TUBD1: variants seen among roughly 807,000 people sequenced by gnomAD.
TUBD1 encodes the protein tubulin delta 1, also known as tubulin delta chain.
In TUBD1, 38 loss-of-function variants were observed where a neutral mutation model predicts 51.2. The ratio of observed to expected loss-of-function variants is 0.74; its 90% confidence interval spans 0.57 to 0.97. The LOEUF is 0.97. TUBD1 is among the 50% of genes least tolerant of loss of function. The probability of loss-of-function intolerance (pLI) is 0.00; values close to 1 mark genes in which losing one functional copy is unlikely to be tolerated. For missense variants in TUBD1, 489 were observed against 538.4 expected, an observed-to-expected ratio of 0.91 and a Z score of 0.91; for synonymous variants, 169 against 178.2, an observed-to-expected ratio of 0.95 and a Z score of 0.41.
In TUBD1 at chr17:59,881,060, C is replaced by T. The variant is rs773282613; in HGVS notation, c.371G>A (p.Arg124Gln). 5.1e-5 allele frequency: 82 copies of T among 1,613,996 alleles called. 6 individuals are homozygous for T. The South Asian group carries it at 7.0e-4, about 14-fold the overall frequency. Residue 124 changes from arginine (R) to glutamine (Q), a missense_variant, in exon 4 of 9, where the codon CGG (arginine) becomes CAG (glutamine). Physicochemically the swap from Arg to Gln is conservative, Grantham distance 43 (BLOSUM62 1). Transcript: ENST00000325752. ...AGAGTCACATTTCTCCACTTCCTTC[C>T]GGATTATGTTCATTATAGATTCTTC... The part of the protein sequence containing the change: ...RHEESIMNII[R>Q]KEVEKCDSFS...
In TUBD1 at chr17:59,860,368, C is replaced by G; in HGVS notation, c.1316G>C (p.Ser439Thr). 6.2e-7 allele frequency: 1 copy of G among 1,612,052 alleles called. No individual in the cohort carries two copies. Among genetic ancestry groups the G allele is most frequent in the African/African-American group, 1.3e-5 (1 of 74,582 alleles). ...AACAACCTGCTCTAATGACGTGAAA[C>G]TGTCTAAAAAGTCCTCTTCTTCGAT... ...FGIEEEDFLD[S>T]FTSLEQVVAS... Residue 439 changes from serine (S) to threonine (T), a missense_variant, in exon 9 of 9, where the codon AGT (serine) becomes ACT (threonine). Ser to Thr is a moderately conservative substitution (Grantham distance 58). Coordinates refer to ENST00000325752, the MANE Select transcript of TUBD1 (RefSeq NM_016261.4).
At chr17:59,877,964 C>T (rs2040301681) in intron 5 of TUBD1, 139 bp downstream of exon 5, 4 of 670,776 alleles carry the variant, frequency 6.0e-6, no homozygotes, top group African/African-American at 5.4e-5. Flanking sequence ...GTTCAGAGAA[C>T]TAGCAGATGT....
At chr17:59,863,889 TTAGTAATTGTGAAAACAAACAAACAGA>T in intron 7 of TUBD1, 42 bp from the exon 8 acceptor site, 1 of 1,349,136 alleles carries the variant, frequency 7.4e-7, no homozygotes, top group Non-Finnish European at 9.7e-7. Context: ...ATAGCATAAA[TTAGTAATTGTGAAAACAAACAAACAGA>T]TATTTTCTTG....
chr17:59,878,904 T>C (rs1380122088), intron 4 of TUBD1: 2 of 152,686 alleles, frequency 1.3e-5, no homozygotes, highest in South Asian at 2.1e-4. Flanking sequence ...ACTTATCTCC[T>C]ATTTCATTTC....
chr17:59,871,960 A>AT (rs57529317), intron 6 of TUBD1, among the ~76,000 whole-genome samples: 28,250 of 140,088 alleles, frequency 0.2, 2,823 homozygotes, highest in East Asian at 0.4. Flanking sequence ...TATGCCCAGC[A>AT]TTTTTTTTTT....
At chr17:59,870,884 C>T (rs756191086) in intron 6 of TUBD1, among the ~76,000 whole-genome samples, 33 of 152,162 alleles carry the variant, frequency 2.2e-4, no homozygotes, top group Non-Finnish European at 2.5e-4. Flanking sequence ...GAGCGTTTAC[C>T]GTTCCAGGCT....
rs1432617886 is a variant in TUBD1 at position 59,863,389 on chromosome 17, T to A, written c.1259+275A>T. Among the ~76,000 whole-genome samples the A allele has an allele frequency of 2.0e-5, 3 of 152,094 alleles. No individual in the cohort carries two copies. In the South Asian group the frequency reaches 6.2e-4, roughly 32 times the overall value. ...ACTTTGGGAGGCTGAGGTGGGCAGA[T>A]CCCGAGGTCAGAAGTTCGAGACCAG... On this transcript the variant is annotated intron_variant, in intron 8 of 8. Transcript: ENST00000325752.
In TUBD1 at chr17:59,892,869, T is replaced by C. The variant is rs1171763758; in HGVS notation, c.-212A>G. ...CCTATTCAGAAAGATTAATTACGCA[T>C]GTTCAATTTCAATTTACGAACTTCA... On this transcript the variant is annotated 5_prime_UTR_variant, in exon 1 of 9. It removes an upstream start codon present in the reference 5' UTR. Transcript: ENST00000325752. The C allele has an allele frequency of 8.8e-6, 3 of 340,750 alleles. No individual in the cohort carries two copies. The highest frequency in any genetic ancestry group is 4.0e-5 in the Admixed American group (1 of 24,738). The allele number at this position is 340,750 out of a possible 1,614,324, so 21.1% of individuals were successfully genotyped here.
chr17:59,868,108 C>CAAAAAA (rs35401242), intron 6 of TUBD1, among the ~76,000 whole-genome samples: 1 of 26,812 alleles, frequency 3.7e-5, no homozygotes, highest in African/African-American at 1.5e-4. Flanking sequence ...ACTAAAAATA[C>CAAAAAA]AAAAAAAAAA....
At chr17:59,891,660 A>C (rs1370286338) in intron 1 of TUBD1, among the ~76,000 whole-genome samples, 1 of 152,018 alleles carries the variant, frequency 6.6e-6, no homozygotes, top group Non-Finnish European at 1.5e-5. Flanking sequence ...CATTCTCCTC[A>C]GTTGAGGAGT....
chr17:59,875,050 T>C (rs1034461504), intron 5 of TUBD1, among the ~76,000 whole-genome samples: 6 of 151,312 alleles, frequency 4.0e-5, no homozygotes, highest in Admixed American at 6.6e-5. Context: ...TGTCATTCTA[T>C]GTTCACTAAA....
chr17:59,886,385 TCA>T (rs2040727831), intron 2 of TUBD1, 155 bp from the exon 3 acceptor site: 1 of 742,468 alleles, frequency 1.3e-6, no homozygotes, highest in East Asian at 2.8e-5. Context: ...CTTAGAAATC[TCA>T]GTGGGCAGCA....
intron 3 of TUBD1, among the ~76,000 whole-genome samples, chr17:59,881,619 T>C (rs2040491964): frequency 6.6e-6 from 1 of 152,226 alleles, no homozygotes; most frequent in African/African-American, 2.4e-5. Flanking sequence ...ATGGGATATC[T>C]ATCACCTCAA....
intron 3 of TUBD1, among the ~76,000 whole-genome samples, chr17:59,881,834 A>G (rs1179240487): frequency 6.6e-6 from 1 of 151,692 alleles, no homozygotes; most frequent in Non-Finnish European, 1.5e-5. Flanking sequence ...ACACCAGGCT[A>G]ATTTTTGTAT....
Position 59,860,263 on chromosome 17 carries a change from G to A in TUBD1, c.*59C>T. ...CTTTGAAAACTTTACAGAGAAAATA[G>A]TATTGAAAATATTTTAGTCCAGAAA... On this transcript the variant is annotated 3_prime_UTR_variant, in exon 9 of 9. Transcript: ENST00000325752. 8.5e-7 allele frequency: 1 copy of A among 1,176,490 alleles called. No homozygotes were observed. The highest frequency in any genetic ancestry group is 1.5e-5 in the African/African-American group (1 of 64,740). 72.9% of individuals were successfully genotyped at this position (1,176,490 alleles called of 1,614,324 possible). A position where few individuals can be genotyped will look rare whatever the true frequency, so the allele number is the denominator to read the frequency against.
At chr17:59,892,189 G>C (rs2041119375) in intron 1 of TUBD1, among the ~76,000 whole-genome samples, 1 of 152,162 alleles carries the variant, frequency 6.6e-6, no homozygotes, top group Non-Finnish European at 1.5e-5. Flanking sequence ...CTGTAAGAAA[G>C]ATTTTGTGTT....
chr17:59,863,148 C>T (rs1474197285), intron 8 of TUBD1, among the ~76,000 whole-genome samples: 2 of 152,160 alleles, frequency 1.3e-5, no homozygotes, highest in East Asian at 3.8e-4. Flanking sequence ...ACAAGATTAT[C>T]TTATCTAATC....
At position 59,863,664 on chromosome 17, in the gene TUBD1, T is replaced by G; in HGVS notation, c.1259A>C (p.Lys420Thr). The G allele has an allele frequency of 6.5e-7, 1 of 1,548,650 alleles. No homozygotes were observed. The highest frequency in any genetic ancestry group is 8.7e-7 in the Non-Finnish European group (1 of 1,155,002). The change falls in exon 8 of 9, where the codon AAA becomes ACA. Residue 420 changes from lysine (K) to threonine (T), a missense_variant and splice_region_variant. Transcript: ENST00000325752. ...VGKAWNMFAS[K>T]AYIHQYTKFG... ...GTTTGTAGACTTATTTTATACTTAC[T>G]TTGAAGCAAACATATTCCATGCCTT...
chr17:59,886,059 A>G (rs1385695935), intron 3 of TUBD1, 24 bp downstream of exon 3: 1 of 1,613,078 alleles, frequency 6.2e-7, no homozygotes, highest in Non-Finnish European at 8.5e-7. Flanking sequence ...CACTAAACTG[A>G]AAATCACAAG....
Sources: gnomAD v4.1 joint callset for allele counts (sites outside exome capture counted in the v4.1 genomes callset) on GRCh38, gnomAD v4.1.1 for gene constraint, MANE v1.5 for transcripts, NCBI Gene and HGNC (gene_info 2026-07-23, HGNC 2026-07-21) for gene names.